The following SETDB2 variants were observed in gnomAD, a reference collection of about 807,000 sequenced individuals.
SETDB2 encodes the protein histone-lysine N-methyltransferase SETDB2.
A neutral mutation model predicts 82.5 loss-of-function variants in SETDB2; 56 were observed. The observed-to-expected ratio is 0.68, with a 90% CI of 0.55 to 0.85. SETDB2 has a LOEUF of 0.85. Among genes scored for constraint, SETDB2 ranks in the 40% least tolerant of loss-of-function variants. The pLI, the probability that SETDB2 is intolerant of heterozygous loss-of-function variation, is 0.00. For missense variants in SETDB2, 677 were observed against 816.4 expected (o/e 0.83, Z 2.08); for synonymous variants, 272 against 284.9 (o/e 0.95, Z 0.46).
chr13:49,448,980 A>C (rs1395267798), intron 1 of SETDB2, among the ~76,000 whole-genome samples: 1 of 152,144 alleles, frequency 6.6e-6, no homozygotes, highest in Non-Finnish European at 1.5e-5. Flanking sequence ...TGTGTCTTTT[A>C]TTGATTTTCA....
At chr13:49,464,553 G>A (rs1958063061) in intron 4 of SETDB2, among the ~76,000 whole-genome samples, 1 of 152,052 alleles carries the variant, frequency 6.6e-6, no homozygotes, top group South Asian at 2.1e-4. Flanking sequence ...GTTGGTTTTT[G>A]TTTGGGGTCT....
rs1958735373 is a variant in SETDB2 at position 49,492,671 on chromosome 13, CAAG to C, written c.*826_*828del. The C allele has an allele frequency of 1.3e-5, 2 of 152,118 alleles. No individual in the cohort carries two copies. The highest frequency in any genetic ancestry group is 2.9e-5 in the Non-Finnish European group (2 of 68,022). The allele number at this position is 152,118 out of a possible 1,614,324, so 9.4% of individuals were successfully genotyped here. ...GGGCAAAAATTTCACTTAAAAAACA[CAAG>C]AAGTCCAGGTATGGTGGCTCAGACC... On this transcript the variant is annotated 3_prime_UTR_variant, in exon 14 of 14. Coordinates refer to ENST00000611815, the MANE Select transcript of SETDB2 (RefSeq NM_001160308.3).
chr13:49,485,635 T>A lies in SETDB2; in HGVS notation c.1488T>A (p.Phe496Leu). 6.2e-7 allele frequency: 1 copy of A among 1,610,564 alleles called. No individual in the cohort carries two copies. The highest frequency in any genetic ancestry group is 8.5e-7 in the Non-Finnish European group (1 of 1,178,938). The change falls in exon 11 of 14, where the codon TTT (phenylalanine) becomes TTA (leucine). Residue 496 changes from phenylalanine (F) to leucine (L), a missense_variant. Transcript: ENST00000611815. ...ATCTTCCTTGTTTTTTTAAGGAATT[T>A]GTTTCCTCGGAGTCTGTCACTCCAG... ...IFQHNGKKME[F>L]VSSESVTPED... is the part of the protein sequence containing the mutation.
intron 7 of SETDB2, 145 bp downstream of exon 7, chr13:49,480,480 C>T: frequency 5.1e-6 from 3 of 584,792 alleles, no homozygotes; most frequent in Non-Finnish European, 9.0e-6. Flanking sequence ...AATAAAAATC[C>T]TGTGTATTGT....
intron 1 of SETDB2, among the ~76,000 whole-genome samples, chr13:49,446,715 T>C (rs1957697474): frequency 6.6e-6 from 1 of 152,214 alleles, no homozygotes; most frequent in Admixed American, 6.5e-5. Context: ...TTTGTCTCTT[T>C]TATTGGTCTT....
At chr13:49,451,062 TGGA>T (rs1957776490) in intron 1 of SETDB2, among the ~76,000 whole-genome samples, 7 of 151,620 alleles carry the variant, frequency 4.6e-5, no homozygotes, top group Admixed American at 4.6e-4. Flanking sequence ...ATATTAGTGA[TGGA>T]GGAAAATGCA....
rs950014710 is a variant in SETDB2 at position 49,444,549 on chromosome 13, C to G, written c.-650C>G. Reference sequence around the variant, plus strand: ...CGCCGTGGCTGGCCCCCGACAGTTCCTCTAGCCGGGAGGTTGGAGGAGCTG... The same window carrying G: ...CGCCGTGGCTGGCCCCCGACAGTTCGTCTAGCCGGGAGGTTGGAGGAGCTG... On this transcript the variant is annotated 5_prime_UTR_variant, in exon 1 of 14. Coordinates refer to ENST00000611815, the MANE Select transcript of SETDB2 (RefSeq NM_001160308.3). The G allele has an allele frequency of 1.3e-5, 2 of 157,908 alleles. No homozygotes were observed. Among genetic ancestry groups the G allele is most frequent in the Non-Finnish European group, 2.8e-5 (2 of 70,600 alleles). The allele number at this position is 157,908 out of a possible 1,614,324, so 9.8% of individuals were successfully genotyped here.
At chr13:49,465,819 G>A (rs1169352362) in intron 4 of SETDB2, among the ~76,000 whole-genome samples, 1 of 152,152 alleles carries the variant, frequency 6.6e-6, no homozygotes, top group East Asian at 1.9e-4. Flanking sequence ...TTACAGGTGT[G>A]AGCCACTGCG....
At chr13:49,471,561 G>C (rs563544911) in intron 5 of SETDB2, among the ~76,000 whole-genome samples, 1 of 151,896 alleles carries the variant, frequency 6.6e-6, no homozygotes, top group African/African-American at 2.4e-5. Context: ...CACTGGGCTT[G>C]CACCACTGCT....
intron 2 of SETDB2, among the ~76,000 whole-genome samples, chr13:49,453,538 T>C (rs1164895715): frequency 6.6e-6 from 1 of 152,152 alleles, no homozygotes; most frequent in African/African-American, 2.4e-5. Flanking sequence ...CCTCAAGTGA[T>C]CCACCCGCCT....
intron 1 of SETDB2, among the ~76,000 whole-genome samples, chr13:49,447,774 T>C (rs980985361): frequency 1.3e-5 from 2 of 152,116 alleles, no homozygotes; most frequent in Non-Finnish European, 2.9e-5. Context: ...TTATTCAGTA[T>C]TTTTGTGTCT....
At chr13:49,452,960 A>G (rs1957810812) in intron 2 of SETDB2, among the ~76,000 whole-genome samples, 1 of 152,152 alleles carries the variant, frequency 6.6e-6, no homozygotes, top group African/African-American at 2.4e-5. Context: ...GGTGGTATCA[A>G]ATTTCTCCAC....
intron 4 of SETDB2, among the ~76,000 whole-genome samples, chr13:49,465,676 A>T (rs887544627): frequency 5.9e-5 from 9 of 152,094 alleles, no homozygotes; most frequent in Middle Eastern, 3.2e-3. Flanking sequence ...AGCTGGGATT[A>T]TAGGCACCTG....
In SETDB2 at chr13:49,478,016, T is replaced by C. The variant is rs148345369; in HGVS notation, c.869+977T>C. ...AGATGTAGAGTGGTGTTGCATTATA[T>C]GTACTTTTAATTTAATGCAAATTTA... On this transcript the variant is annotated intron_variant, in intron 6 of 13. Transcript: ENST00000611815. Among the ~76,000 whole-genome samples, 62 of 152,320 alleles carry C rather than the reference T, an allele frequency of 4.1e-4. 1 individual carries two copies. The East Asian group carries it at 0.011, about 26-fold the overall frequency.
chr13:49,466,803 C>G (rs1016481489), intron 4 of SETDB2, among the ~76,000 whole-genome samples: 2 of 140,334 alleles, frequency 1.4e-5, no homozygotes, highest in African/African-American at 5.4e-5. Context: ...GCCACCATGC[C>G]TGGCTAACTT....
chr13:49,469,260 T>C (rs188950510), intron 5 of SETDB2, among the ~76,000 whole-genome samples: 174 of 152,310 alleles, frequency 1.1e-3, no homozygotes, highest in Non-Finnish European at 1.8e-3. Context: ...GGCTCACTAC[T>C]AGACATTCTT....
Position 49,467,897 on chromosome 13 carries a change from A to G in SETDB2, c.242A>G (p.Asn81Ser). Residue 81 changes from asparagine (N) to serine (S), a missense_variant, in exon 5 of 14, where the codon AAC becomes AGC. Asn to Ser is a conservative substitution (Grantham distance 46). Around this residue, in one of 3 missense-constraint regions of SETDB2, gnomAD observed 243 missense variants for 237.2 expected, o/e 1.02. Transcript: ENST00000611815. ...CCTGTGACTCAGAAGGAACAGGAAAACAAATCCAATGCATTTCCCTCTACA... is the reference window on the plus strand; with the variant it reads ...CCTGTGACTCAGAAGGAACAGGAAAGCAAATCCAATGCATTTCCCTCTACA... ...PMPVTQKEQENKSNAFPSTSC... is the reference protein window; with the variant it reads ...PMPVTQKEQESKSNAFPSTSC... 6.2e-7 allele frequency: 1 copy of G among 1,611,720 alleles called. No homozygotes were observed. Among genetic ancestry groups the G allele is most frequent in the Non-Finnish European group, 8.5e-7 (1 of 1,179,218 alleles).
rs1320249735 is a variant in SETDB2, at chr13:49,467,959, C to A, written c.304C>A (p.Leu102Ile). The stretch of plus-strand genomic sequence containing the variant: ...CTCCTTTCCAGAAGACTGTACATTT[C>A]TGTATGTATATAAATTCTTTGTTAT... ...ENSFPEDCTF[L>I]TTENKEILSL... The change falls in exon 5 of 14, where the codon CTA becomes ATA. Residue 102 changes from leucine to isoleucine, a missense_variant and splice_region_variant. Transcript: ENST00000611815. 1 of 1,579,754 alleles carries A rather than the reference C, an allele frequency of 6.3e-7. No individual in the cohort carries two copies. Among genetic ancestry groups the A allele is most frequent in the Non-Finnish European group, 8.6e-7 (1 of 1,159,242 alleles).
At chr13:49,490,717 A>C (rs1958695123) in intron 12 of SETDB2, 105 bp from the exon 13 acceptor site, 2 of 739,418 alleles carry the variant, frequency 2.7e-6, no homozygotes, top group Non-Finnish European at 4.2e-6. Flanking sequence ...AAAAAAGAAC[A>C]AAATCAGTGT....
Sources: gnomAD v4.1 joint callset for allele counts (sites outside exome capture counted in the v4.1 genomes callset) on GRCh38, gnomAD v4.1.1 for gene constraint, gnomAD v4.1.1 regional missense constraint, MANE v1.5 for transcripts, NCBI Gene and HGNC (gene_info 2026-07-23, HGNC 2026-07-21) for gene names.